AHCYL1: variants seen among roughly 807,000 people sequenced by gnomAD.
The protein encoded by AHCYL1 is adenosylhomocysteinase like 1.
In AHCYL1, 20 loss-of-function variants were observed where a neutral mutation model predicts 79.3. The observed-to-expected ratio is 0.25, with a 90% CI of 0.18 to 0.37. The LOEUF (loss-of-function observed/expected upper bound fraction) is 0.37, where lower values mean the gene tolerates loss of function less well. Among genes scored for constraint, AHCYL1 ranks in the 10% least tolerant of loss-of-function variants. The probability of loss-of-function intolerance (pLI) is 1.00; values close to 1 mark genes in which losing one functional copy is unlikely to be tolerated. For missense variants in AHCYL1, 330 were observed against 673.6 expected (o/e 0.49, Z 5.65); for synonymous variants, 223 against 242.2 (o/e 0.92, Z 0.74).
Position 110,017,572 on chromosome 1 carries a change from T to A in AHCYL1, c.1041T>A (p.Ala347=). 1 of 1,614,064 alleles carries A rather than the reference T, an allele frequency of 6.2e-7. No individual in the cohort carries two copies. Among genetic ancestry groups the A allele is most frequent in the Non-Finnish European group, 8.5e-7 (1 of 1,179,966 alleles). The change falls in exon 10 of 17, where the codon GCT becomes GCA. Residue 347 remains alanine (A), a synonymous_variant. Transcript: ENST00000369799. ...TTACCGAAATCGACCCCATCTGTGCTCTGCAGGCCTGGTAAGAACAGAGTG... is the reference window on the plus strand; with the variant it reads ...TTACCGAAATCGACCCCATCTGTGCACTGCAGGCCTGGTAAGAACAGAGTG... ...VYITEIDPIC[A]LQACMDGFRV... is the part of the protein sequence containing the mutation.
At chr1:110,001,260 C>T (rs538604788) in intron 1 of AHCYL1, among the ~76,000 whole-genome samples, 1 of 151,636 alleles carries the variant, frequency 6.6e-6, no homozygotes, top group South Asian at 2.1e-4. Context: ...GATCTCAGCT[C>T]ACTGCAACCT....
chr1:110,017,686 G>T, intron 10 of AHCYL1, 103 bp downstream of exon 10: 2 of 1,268,202 alleles, frequency 1.6e-6, no homozygotes, highest in Non-Finnish European at 1.1e-6. Context: ...ATCACCTAGG[G>T]GAAGAGAAGG....
chr1:110,016,820 C>A, intron 9 of AHCYL1, 90 bp downstream of exon 9: 1 of 1,468,504 alleles, frequency 6.8e-7, no homozygotes. Context: ...TCTAGAGTCA[C>A]TGATACAAGG....
chr1:110,022,362 A>G lies in AHCYL1; in HGVS notation c.*682A>G, dbSNP rs898525970. ...AGTTTAATTTTGTCCTCTAGGATTT[A>G]TTTCTGTTGTCCAAAAAAAAAAAAA... is the stretch of plus-strand genomic sequence containing the variant. On this transcript the variant is annotated 3_prime_UTR_variant, in exon 17 of 17. Coordinates refer to ENST00000369799, the MANE Select transcript of AHCYL1 (RefSeq NM_006621.7). 1 of 142,270 alleles carries G rather than the reference A, an allele frequency of 7.0e-6. No homozygotes were observed. The highest frequency in any genetic ancestry group is 1.5e-5 in the Non-Finnish European group (1 of 65,276). The allele number at this position is 142,270 out of a possible 1,614,324, so 8.8% of individuals were successfully genotyped here.
rs548872715 is a variant in AHCYL1, at chr1:109,993,164, A to G, written c.120+7992A>G. ...TATTATCTCAACTCTACTGCTCTTCATATGAAATGCAGATGCCCCTGAAGC... is the reference window on the plus strand; with the variant it reads ...TATTATCTCAACTCTACTGCTCTTCGTATGAAATGCAGATGCCCCTGAAGC... On this transcript the variant is annotated intron_variant, in intron 1 of 16. Coordinates refer to ENST00000369799, the MANE Select transcript of AHCYL1 (RefSeq NM_006621.7). 6.6e-5 allele frequency among the ~76,000 whole-genome samples: 10 copies of G among 152,342 alleles called. 1 individual carries two copies. Among genetic ancestry groups the G allele is most frequent in the African/African-American group, 2.4e-4 (10 of 41,576 alleles).
chr1:109,992,822 G>A (rs536661842), intron 1 of AHCYL1, among the ~76,000 whole-genome samples: 63 of 152,268 alleles, frequency 4.1e-4, no homozygotes, highest in African/African-American at 1.3e-3. Context: ...AAAAATATGC[G>A]TATTCTGTTA....
At chr1:110,018,675 A>G (rs1651586639) in intron 13 of AHCYL1, 25 bp downstream of exon 13, 1 of 1,597,696 alleles carries the variant, frequency 6.3e-7, no homozygotes, top group Non-Finnish European at 8.6e-7. Flanking sequence ...GGACCCTGGC[A>G]GAGCAGCACA....
chr1:109,997,417 G>A (rs1650085494), intron 1 of AHCYL1, among the ~76,000 whole-genome samples: 1 of 152,198 alleles, frequency 6.6e-6, no homozygotes, highest in Admixed American at 6.5e-5. Context: ...CTAAGCTGGT[G>A]AGCCAGTAGC....
At chr1:109,993,331 A>G (rs1481282456) in intron 1 of AHCYL1, among the ~76,000 whole-genome samples, 1 of 152,248 alleles carries the variant, frequency 6.6e-6, no homozygotes, top group African/African-American at 2.4e-5. Flanking sequence ...TTATATTTTA[A>G]GGACTGACCT....
Position 109,985,233 on chromosome 1 carries a change from C to T in AHCYL1, c.120+61C>T, listed in dbSNP as rs59450932. ...TCCGGCCTCGCGGAAGGGACGCGAG[C>T]AAGCCCGGGCTCTGGCTAGTTTGGG... On this transcript the variant is annotated intron_variant, in intron 1 of 16. Coordinates refer to ENST00000369799, the MANE Select transcript of AHCYL1 (RefSeq NM_006621.7). 5.3e-3 allele frequency: 8,311 copies of T among 1,558,636 alleles called. 419 individuals are homozygous for T. The African/African-American group carries it at 0.099, about 19-fold the overall frequency.
At chr1:110,019,145 C>T (rs773617459) in intron 14 of AHCYL1, 26 bp downstream of exon 14, 3 of 1,606,010 alleles carry the variant, frequency 1.9e-6, no homozygotes, top group Admixed American at 3.3e-5. Context: ...CCTGCTTACA[C>T]TGCACTGCAA....
At position 109,984,849 on chromosome 1, in the gene AHCYL1, C is replaced by G. The variant is rs564847095; in HGVS notation, c.-204C>G. On this transcript the variant is annotated 5_prime_UTR_variant, in exon 1 of 17. Transcript: ENST00000369799. ...GCTGCTGTTCTGGTTCTCTTGTGGC[C>G]GCCGTCGCTGTCCGGCTGCCTTGGG... is the stretch of plus-strand genomic sequence containing the variant. The G allele has an allele frequency of 1.4e-5, 10 of 739,022 alleles. No individual in the cohort carries two copies. The East Asian group carries it at 4.1e-4, about 30-fold the overall frequency. The allele number at this position is 739,022 out of a possible 1,614,324, so 45.8% of individuals were successfully genotyped here. A position where few individuals can be genotyped will look rare whatever the true frequency, so the allele number is the denominator to read the frequency against.
intron 15 of AHCYL1, among the ~76,000 whole-genome samples, chr1:110,019,976 C>T (rs1252175305): frequency 6.6e-6 from 1 of 152,190 alleles, no homozygotes; most frequent in African/African-American, 2.4e-5. Context: ...GAGAAACAAA[C>T]ACAGGTTTTA....
At chr1:110,016,963 A>G (rs1247727463) in intron 9 of AHCYL1, among the ~76,000 whole-genome samples, 1 of 152,242 alleles carries the variant, frequency 6.6e-6, no homozygotes, top group Non-Finnish European at 1.5e-5. Flanking sequence ...TACTAGTATC[A>G]TCTTCCCCAA....
chr1:110,021,387 G>A (rs1651784746), intron 16 of AHCYL1, among the ~76,000 whole-genome samples: 1 of 152,158 alleles, frequency 6.6e-6, no homozygotes, highest in Non-Finnish European at 1.5e-5. Flanking sequence ...TCTGCGATGG[G>A]ACCAAATTTA....
At chr1:110,000,831 C>A in intron 1 of AHCYL1, 2 of 505,526 alleles carry the variant, frequency 4.0e-6, no homozygotes, top group Non-Finnish European at 5.1e-6. Flanking sequence ...AACCCCTGTT[C>A]TGTTTTCTCA....
intron 15 of AHCYL1, 114 bp from the exon 16 acceptor site, chr1:110,020,617 G>A: frequency 7.5e-7 from 1 of 1,335,778 alleles, no homozygotes; most frequent in African/African-American, 1.5e-5. Flanking sequence ...TTCTTTCAGA[G>A]TTATTCCATC....
intron 11 of AHCYL1, 131 bp downstream of exon 11, chr1:110,018,147 C>T (rs560590474): frequency 9.1e-7 from 1 of 1,095,220 alleles, no homozygotes; most frequent in East Asian, 2.5e-5. Context: ...GCTATCAGAA[C>T]CTTAACATGT....
intron 1 of AHCYL1, among the ~76,000 whole-genome samples, chr1:110,005,613 AGTGGAATTCTG>A (rs1448270673): frequency 2.6e-5 from 4 of 152,204 alleles, no homozygotes; most frequent in Non-Finnish European, 5.9e-5. Flanking sequence ...AAAATGTTGT[AGTGGAATTCTG>A]GTGGCTGTTA....
Sources: allele counts gnomAD v4.1 joint callset (sites outside exome capture counted in the v4.1 genomes callset), GRCh38; gene constraint gnomAD v4.1.1; transcripts MANE v1.5; gene names NCBI Gene and HGNC (gene_info 2026-07-23, HGNC 2026-07-21).